The following KCTD16 variants were observed in gnomAD, a reference collection of about 807,000 sequenced individuals.
The protein encoded by KCTD16 is potassium channel tetramerization domain containing 16.
Under a neutral mutation model 33.2 loss-of-function variants are expected in KCTD16, and 13 were observed. The ratio of observed to expected loss-of-function variants is 0.39; its 90% CI spans 0.25 to 0.62. The LOEUF (loss-of-function observed/expected upper bound fraction) is 0.62, where lower values mean the gene tolerates loss of function less well. KCTD16 is among the 20% of genes least tolerant of loss of function. The probability of loss-of-function intolerance (pLI) is 0.50; values close to 1 mark genes in which losing one functional copy is unlikely to be tolerated. For synonymous variants in KCTD16, 197 were observed against 195.3 expected, an observed-to-expected ratio of 1.01 and a Z score of -0.07; for missense variants, 441 against 525.1, an observed-to-expected ratio of 0.84 and a Z score of 1.57.
Position 144,479,988 on chromosome 5 carries a change from A to G in KCTD16, c.*5874A>G, listed in dbSNP as rs1200816354. ...GCAACCTCCTCCATCTTATCAGTTT[A>G]TTTTTAGAATTGACCTTTAGATAAT... is the stretch of plus-strand genomic sequence containing the variant. On this transcript the variant is annotated 3_prime_UTR_variant, in exon 4 of 4. Transcript: ENST00000512467. The G allele has an allele frequency of 6.6e-6, 1 of 151,966 alleles. No individual in the cohort carries two copies. The highest frequency in any genetic ancestry group is 2.4e-5 in the African/African-American group (1 of 41,424). 9.4% of individuals were successfully genotyped at this position (151,966 alleles called of 1,614,324 possible).
intron 3 of KCTD16, among the ~76,000 whole-genome samples, chr5:144,221,333 A>G (rs1362921155): frequency 6.6e-6 from 1 of 152,178 alleles, no homozygotes; most frequent in Admixed American, 6.5e-5. Flanking sequence ...TTTGTTACAT[A>G]GGTATACACA....
chr5:144,214,574 CT>C (rs1321782170), intron 3 of KCTD16, among the ~76,000 whole-genome samples: 1 of 152,146 alleles, frequency 6.6e-6, no homozygotes, highest in African/African-American at 2.4e-5. Flanking sequence ...CATAACAGAT[CT>C]TTTTTAGTTC....
At chr5:144,435,029 G>T (rs538820849) in intron 3 of KCTD16, among the ~76,000 whole-genome samples, 2 of 152,194 alleles carry the variant, frequency 1.3e-5, no homozygotes, top group East Asian at 3.9e-4. Context: ...AAGGGGAAGT[G>T]GCCAGAGGCA....
intron 3 of KCTD16, among the ~76,000 whole-genome samples, chr5:144,404,224 T>G (rs1021141172): frequency 6.6e-6 from 1 of 152,138 alleles, no homozygotes; most frequent in Non-Finnish European, 1.5e-5. Context: ...CCCTCACCTA[T>G]TGGCAGAAGG....
intron 3 of KCTD16, among the ~76,000 whole-genome samples, chr5:144,396,538 A>T (rs564388019): frequency 6.6e-6 from 1 of 152,320 alleles, no homozygotes; most frequent in African/African-American, 2.4e-5. Context: ...GACTAAATTA[A>T]AACTTAGCTG....
chr5:144,299,936 G>T (rs1425914490), intron 3 of KCTD16, among the ~76,000 whole-genome samples: 5 of 131,328 alleles, frequency 3.8e-5, no homozygotes, highest in Non-Finnish European at 8.1e-5. Context: ...AAAACAAAAA[G>T]ACCCATTTTC....
chr5:144,221,748 GT>G (rs1458082070), intron 3 of KCTD16, among the ~76,000 whole-genome samples: 9 of 152,210 alleles, frequency 5.9e-5, no homozygotes, highest in African/African-American at 2.2e-4. Context: ...TGTCTTTAGA[GT>G]AGGATGATTT....
chr5:144,449,320 T>C (rs1753889479), intron 3 of KCTD16, among the ~76,000 whole-genome samples: 1 of 151,978 alleles, frequency 6.6e-6, no homozygotes, highest in African/African-American at 2.4e-5. Flanking sequence ...AGAATGTGCA[T>C]ACTATGCAAA....
chr5:144,316,830 T>A (rs1281416952), intron 3 of KCTD16, among the ~76,000 whole-genome samples: 1 of 142,008 alleles, frequency 7.0e-6, no homozygotes, highest in African/African-American at 2.6e-5. Context: ...GCATCCCTTT[T>A]TTTTTTTTTT....
intron 3 of KCTD16, among the ~76,000 whole-genome samples, chr5:144,430,158 A>G (rs1753426773): frequency 6.6e-6 from 1 of 152,134 alleles, no homozygotes; most frequent in Non-Finnish European, 1.5e-5. Flanking sequence ...TAACAAAGCA[A>G]GTCAACAACA....
chr5:144,275,722 C>T (rs1003859307), intron 3 of KCTD16, among the ~76,000 whole-genome samples: 1 of 152,100 alleles, frequency 6.6e-6, no homozygotes, highest in African/African-American at 2.4e-5. Flanking sequence ...GGGATGTGGG[C>T]TGTGAGAAGG....
chr5:144,417,855 T>A (rs1431207846), intron 3 of KCTD16, among the ~76,000 whole-genome samples: 2 of 152,154 alleles, frequency 1.3e-5, no homozygotes, highest in Admixed American at 1.3e-4. Context: ...AAGATGTGTC[T>A]GGAATTGGTT....
chr5:144,378,746 G>A (rs1311275041), intron 3 of KCTD16, among the ~76,000 whole-genome samples: 3 of 152,176 alleles, frequency 2.0e-5, no homozygotes, highest in South Asian at 2.1e-4. Flanking sequence ...CAACAGAATA[G>A]ACTTGTGTTT....
chr5:144,429,563 A>G (rs1753411306), intron 3 of KCTD16, among the ~76,000 whole-genome samples: 1 of 152,126 alleles, frequency 6.6e-6, no homozygotes, highest in African/African-American at 2.4e-5. Flanking sequence ...ATCATGCAGC[A>G]TAGGGAAATG....
At chr5:144,183,830 T>C (rs1752673347) in intron 2 of KCTD16, among the ~76,000 whole-genome samples, 1 of 152,240 alleles carries the variant, frequency 6.6e-6, no homozygotes, top group African/African-American at 2.4e-5. Context: ...CTAGAACTTA[T>C]ATTTATAGGT....
chr5:144,340,230 G>T (rs965719069), intron 3 of KCTD16, among the ~76,000 whole-genome samples: 3 of 151,626 alleles, frequency 2.0e-5, no homozygotes, highest in African/African-American at 7.3e-5. Context: ...GTGAAACCCC[G>T]TCTCTACTAA....
At chr5:144,349,784 C>G (rs147623084) in intron 3 of KCTD16, among the ~76,000 whole-genome samples, 217 of 152,278 alleles carry the variant, frequency 1.4e-3, no homozygotes, top group African/African-American at 5.0e-3. Flanking sequence ...ACTACCTTTC[C>G]CCATCACACT....
chr5:144,247,039 T>G (rs565283608), intron 3 of KCTD16, among the ~76,000 whole-genome samples: 11 of 152,268 alleles, frequency 7.2e-5, no homozygotes, highest in Non-Finnish European at 1.5e-4. Context: ...ATTGTGAGAA[T>G]TAACTTAGTT....
intron 3 of KCTD16, among the ~76,000 whole-genome samples, chr5:144,424,021 A>G (rs1753268724): frequency 2.0e-5 from 3 of 152,206 alleles, no homozygotes; most frequent in Admixed American, 1.3e-4. Context: ...AGGGTTGGAC[A>G]TCCATGCTTT....
Sources: gnomAD v4.1 joint callset for allele counts (sites outside exome capture counted in the v4.1 genomes callset) on GRCh38, gnomAD v4.1.1 for gene constraint, MANE v1.5 for transcripts, NCBI Gene and HGNC (gene_info 2026-07-23, HGNC 2026-07-21) for gene names.